The following DPF3 variants were observed in gnomAD, a reference collection of about 807,000 sequenced individuals.
DPF3 encodes the protein double PHD fingers 3, also known as zinc finger protein DPF3.
A neutral mutation model predicts 56.8 loss-of-function variants in DPF3; 18 were observed. The observed-to-expected ratio is 0.32, with a 90% confidence interval of 0.22 to 0.47. The LOEUF (loss-of-function observed/expected upper bound fraction) is 0.47, where lower values mean the gene tolerates loss of function less well. Among genes scored for constraint, DPF3 ranks in the 20% least tolerant of loss-of-function variants. The pLI is 1.00. For missense variants in DPF3, 403 were observed against 488.8 expected, an observed-to-expected ratio of 0.82 and a Z score of 1.65; for synonymous variants, 188 against 180.2, an observed-to-expected ratio of 1.04 and a Z score of -0.35.
At chr14:72,760,487 C>T (rs926806790) in intron 2 of DPF3, among the ~76,000 whole-genome samples, 5 of 152,130 alleles carry the variant, frequency 3.3e-5, no homozygotes, top group Admixed American at 2.0e-4. Flanking sequence ...TCTTCGAAGT[C>T]CCTTTTGCCA....
At chr14:72,854,069 C>G (rs1447863730) in intron 1 of DPF3, among the ~76,000 whole-genome samples, 2 of 152,130 alleles carry the variant, frequency 1.3e-5, no homozygotes, top group Non-Finnish European at 2.9e-5. Flanking sequence ...TTAAAGTCAT[C>G]TTTTTGGCCA....
intron 2 of DPF3, among the ~76,000 whole-genome samples, chr14:72,756,865 A>AAGGAAGGAAGG (rs1555503984): frequency 4.8e-5 from 5 of 105,088 alleles, no homozygotes; most frequent in African/African-American, 2.0e-4. Flanking sequence ...AGAAAGAAAG[A>AAGGAAGGAAGG]AAGAAAGGAA....
rs146891409 is a variant in DPF3 at position 72,730,786 on chromosome 14, T to G, written c.429+1021A>C. ...TTAATATTAACTACCAATGCTATTA[T>G]TTCATAATAGGATCAATTCATATTA... On this transcript the variant is annotated intron_variant, in intron 4 of 10. Coordinates refer to ENST00000556509, the MANE Select transcript of DPF3 (RefSeq NM_001280542.3). 1.1e-4 allele frequency among the ~76,000 whole-genome samples: 16 copies of G among 152,232 alleles called. No individual in the cohort carries two copies. In the East Asian group the frequency reaches 3.1e-3, roughly 29 times the overall value.
chr14:72,862,211 C>T (rs141450306), intron 1 of DPF3, among the ~76,000 whole-genome samples: 7 of 152,262 alleles, frequency 4.6e-5, no homozygotes, highest in Middle Eastern at 3.4e-3. Context: ...CCTAACCCCC[C>T]CTGCATGCTA....
chr14:72,846,391 A>G (rs1225014036), intron 1 of DPF3, among the ~76,000 whole-genome samples: 1 of 131,258 alleles, frequency 7.6e-6, no homozygotes, highest in Non-Finnish European at 1.5e-5. Context: ...GCTGGAGTGC[A>G]GTGGTGCGAT....
intron 1 of DPF3, among the ~76,000 whole-genome samples, chr14:72,877,544 T>C (rs888972986): frequency 6.6e-6 from 1 of 152,068 alleles, no homozygotes; most frequent in Non-Finnish European, 1.5e-5. Flanking sequence ...TTCAGCAGAT[T>C]ATAAAATAAT....
intron 3 of DPF3, among the ~76,000 whole-genome samples, chr14:72,744,835 G>A (rs1890262362): frequency 6.6e-6 from 1 of 152,148 alleles, no homozygotes; most frequent in African/African-American, 2.4e-5. Context: ...CCATAGGAGA[G>A]TCTGACGTGG....
At chr14:72,639,812 T>C (rs1232609459) in intron 8 of DPF3, among the ~76,000 whole-genome samples, 1 of 151,970 alleles carries the variant, frequency 6.6e-6, no homozygotes, top group Non-Finnish European at 1.5e-5. Flanking sequence ...TAAGTGTTTG[T>C]TGTTTTAAGC....
chr14:72,894,049 T>A lies in DPF3; in HGVS notation c.32+8A>T, dbSNP rs1397677660. ...CGCGGAATATGTACATTTTTTAGTC[T>A]TACTTACGCTTTCAGGGGGTTGTGA... is the stretch of plus-strand genomic sequence containing the variant. On this transcript the variant is annotated splice_region_variant and intron_variant, in intron 1 of 10. Coordinates refer to ENST00000556509, the MANE Select transcript of DPF3 (RefSeq NM_001280542.3). The A allele has an allele frequency of 6.2e-7, 1 of 1,610,206 alleles. No individual in the cohort carries two copies. The highest frequency in any genetic ancestry group is 1.7e-5 in the Admixed American group (1 of 59,000).
intron 5 of DPF3, among the ~76,000 whole-genome samples, chr14:72,718,889 G>A (rs1022412652): frequency 1.4e-5 from 2 of 147,294 alleles, no homozygotes; most frequent in African/African-American, 5.0e-5. Flanking sequence ...CTCCGCCTCA[G>A]CCCCCTGAGT....
chr14:72,859,126 T>C (rs913208587), intron 1 of DPF3, among the ~76,000 whole-genome samples: 2 of 152,150 alleles, frequency 1.3e-5, no homozygotes, highest in African/African-American at 4.8e-5. Flanking sequence ...AATTTACAGA[T>C]AAAATGATGT....
chr14:72,739,109 G>A (rs545739054), intron 3 of DPF3, among the ~76,000 whole-genome samples: 8 of 152,102 alleles, frequency 5.3e-5, no homozygotes, highest in Middle Eastern at 3.4e-3. Flanking sequence ...ATGTGGGATC[G>A]TACGCACCTG....
chr14:72,725,747 T>C (rs933070392), intron 4 of DPF3, among the ~76,000 whole-genome samples: 1 of 152,050 alleles, frequency 6.6e-6, no homozygotes, highest in African/African-American at 2.4e-5. Context: ...ACCTCTGGCC[T>C]GTCCTCAAAG....
At chr14:72,833,903 C>T (rs549755943) in intron 1 of DPF3, among the ~76,000 whole-genome samples, 11 of 152,260 alleles carry the variant, frequency 7.2e-5, no homozygotes, top group South Asian at 6.2e-4. Context: ...ACAATGAGGC[C>T]GGGCATGGAA....
chr14:72,823,041 A>G (rs1567245278), intron 1 of DPF3, among the ~76,000 whole-genome samples: 1 of 152,214 alleles, frequency 6.6e-6, no homozygotes, highest in Non-Finnish European at 1.5e-5. Flanking sequence ...AACCAGTACA[A>G]AAAGCAAAAC....
At position 72,613,020 on chromosome 14, in the gene DPF3, GTGTGTGTGTGTA is replaced by G. The variant is rs1273735485; in HGVS notation, c.*6265_*6276del. Among the ~76,000 whole-genome samples the G allele has an allele frequency of 3.3e-5, 5 of 151,996 alleles. No homozygotes were observed. Among genetic ancestry groups the G allele is most frequent in the African/African-American group, 1.2e-4 (5 of 41,392 alleles). On this transcript the variant is annotated 3_prime_UTR_variant, in exon 11 of 11. Transcript: ENST00000556509. Reference sequence around the variant, plus strand: ...TGTGTGTGTGTGTGTGTGTGTGTGTGTGTGTGTGTGTATGTGCGTGCGTGCACGCACGCGCAT... The same window carrying G: ...TGTGTGTGTGTGTGTGTGTGTGTGTGTGTGCGTGCGTGCACGCACGCGCAT...
chr14:72,858,407 G>A lies in DPF3; in HGVS notation c.32+35650C>T, dbSNP rs772304935. ...TCCCACAGGCTACAGAGAGAGCAGG[G>A]AAGTAGGACTCAGGAGAACTGCCTC... On this transcript the variant is annotated intron_variant, in intron 1 of 10. Coordinates refer to ENST00000556509, the MANE Select transcript of DPF3 (RefSeq NM_001280542.3). 8.2e-4 allele frequency among the ~76,000 whole-genome samples: 125 copies of A among 152,032 alleles called. 1 individual carries two copies. Among genetic ancestry groups the A allele is most frequent in the Admixed American group, 4.7e-3 (72 of 15,278 alleles).
intron 5 of DPF3, among the ~76,000 whole-genome samples, chr14:72,715,587 G>T (rs1474519235): frequency 6.6e-6 from 1 of 151,934 alleles, no homozygotes. Context: ...TGGCCATGGG[G>T]ACTTGATGGT....
At chr14:72,823,495 G>C (rs896299436) in intron 1 of DPF3, among the ~76,000 whole-genome samples, 2 of 152,220 alleles carry the variant, frequency 1.3e-5, no homozygotes, top group African/African-American at 4.8e-5. Context: ...TGGTGAGTCT[G>C]TGAATGTGAA....
Sources: allele counts gnomAD v4.1 joint callset (sites outside exome capture counted in the v4.1 genomes callset), GRCh38; gene constraint gnomAD v4.1.1; transcripts MANE v1.5; gene names NCBI Gene and HGNC (gene_info 2026-07-23, HGNC 2026-07-21).